SI: variants seen among roughly 807,000 people sequenced by gnomAD.
The protein encoded by SI is sucrase-isomaltase, intestinal.
In SI, 235 loss-of-function variants were observed where a neutral mutation model predicts 253.3. The ratio of observed to expected loss-of-function variants is 0.93; its 90% CI spans 0.83 to 1.03. SI has a LOEUF of 1.03. SI is among the 50% of genes least tolerant of loss of function. The pLI, the probability that SI is intolerant of heterozygous loss-of-function variation, is 0.00. For synonymous variants in SI, 819 were observed against 712.0 expected, an observed-to-expected ratio of 1.15 and a Z score of -2.39; for missense variants, 2,442 against 2,211.1, an observed-to-expected ratio of 1.10 and a Z score of -2.09.
In SI at chr3:165,015,980, C is replaced by G; in HGVS notation, c.3860G>C (p.Gly1287Ala). The G allele has an allele frequency of 6.2e-7, 1 of 1,611,218 alleles. No homozygotes were observed. Among genetic ancestry groups the G allele is most frequent in the Non-Finnish European group, 8.5e-7 (1 of 1,177,568 alleles). Residue 1287 changes from glycine (G) to alanine (A), a missense_variant, in exon 32 of 48, where the codon GGA (glycine) becomes GCA (alanine). Coordinates refer to ENST00000264382, the MANE Select transcript of SI (RefSeq NM_001041.4). ...DLPQFVDKIRGEGMRYIIILD... is the reference protein window; with the variant it reads ...DLPQFVDKIRAEGMRYIIILD... ...GATAATAATGTATCTCATTCCTTCTCCTCTTATTTTGTCAACAAACTGAGG... is the reference window on the plus strand; with the variant it reads ...GATAATAATGTATCTCATTCCTTCTGCTCTTATTTTGTCAACAAACTGAGG...
chr3:165,073,847 G>T (rs1436242268), intron 3 of SI, among the ~76,000 whole-genome samples: 2 of 152,206 alleles, frequency 1.3e-5, no homozygotes, highest in African/African-American at 4.8e-5. Flanking sequence ...AGGAGAATGT[G>T]CATAGGTTAT....
intron 12 of SI, among the ~76,000 whole-genome samples, chr3:165,056,060 A>G (rs747920485): frequency 5.9e-5 from 9 of 152,116 alleles, no homozygotes; most frequent in Non-Finnish European, 1.3e-4. Flanking sequence ...ACATTATTTG[A>G]CTTATTACTT....
intron 21 of SI, among the ~76,000 whole-genome samples, chr3:165,037,239 A>G (rs1220140918): frequency 3.3e-5 from 5 of 152,014 alleles, no homozygotes; most frequent in Non-Finnish European, 7.4e-5. Flanking sequence ...GATATTCTTA[A>G]TGTTATGAAG....
intron 45 of SI, among the ~76,000 whole-genome samples, chr3:164,986,460 A>G (rs374304081): frequency 6.6e-6 from 1 of 152,200 alleles, no homozygotes; most frequent in East Asian, 1.9e-4. Context: ...TAATAAGCCA[A>G]CAAGAATGTG....
intron 40 of SI, 77 bp from the exon 41 acceptor site, chr3:164,994,482 A>C: frequency 6.8e-7 from 1 of 1,469,426 alleles, no homozygotes; most frequent in Admixed American, 1.7e-5. Flanking sequence ...ATATTTGAAG[A>C]ACTAAAAAGT....
chr3:165,078,054 T>C (rs968073150), intron 1 of SI, among the ~76,000 whole-genome samples: 2 of 151,546 alleles, frequency 1.3e-5, no homozygotes, highest in Admixed American at 6.6e-5. Context: ...TTTATAAATG[T>C]AGCATTCTAT....
chr3:165,006,848 G>C lies in SI; in HGVS notation c.4374C>G (p.Leu1458=). 1 of 1,612,718 alleles carries C rather than the reference G, an allele frequency of 6.2e-7. No individual in the cohort carries two copies. Residue 1458 remains leucine (L), a synonymous_variant, in exon 37 of 48, where the codon CTC becomes CTG. Transcript: ENST00000264382. ...TSVLHYDVHN[L]YGWSQMKPTH... ...TAGGTTTCATCTGTGACCATCCATA[G>C]AGATTGTGAACATCGTAATGCAAAA...
chr3:164,998,991 A>G (rs925775651), intron 37 of SI, among the ~76,000 whole-genome samples: 1 of 151,786 alleles, frequency 6.6e-6, no homozygotes, highest in African/African-American at 2.4e-5. Flanking sequence ...TGAGCTTTTT[A>G]TTTTACTTTA....
chr3:165,030,965 A>G (rs536329614), intron 24 of SI, 98 bp from the exon 25 acceptor site: 8 of 1,431,944 alleles, frequency 5.6e-6, no homozygotes, highest in South Asian at 4.2e-5. Flanking sequence ...ATTTAAAAAA[A>G]CATTTTACAT....
intron 25 of SI, among the ~76,000 whole-genome samples, chr3:165,030,510 T>C (rs1397538272): frequency 4.0e-5 from 6 of 150,972 alleles, no homozygotes; most frequent in Non-Finnish European, 5.9e-5. Context: ...CAATTCAGCC[T>C]GGCGTTTACT....
In SI at chr3:165,009,157, G is replaced by C. The variant is rs970703062; in HGVS notation, c.4179+122C>G. 2.6e-5 allele frequency: 18 copies of C among 701,974 alleles called. No homozygotes were observed. In the East Asian group the frequency reaches 3.9e-4, roughly 15 times the overall value. The allele number at this position is 701,974 out of a possible 1,614,324, so 43.5% of individuals were successfully genotyped here. A position where few individuals can be genotyped will look rare whatever the true frequency, so the allele number is the denominator to read the frequency against. ...GTTTGTGTAAGAAAGTTCTGTGGGGGAAAAAAGTGGACTAGTTTTCAAATA... is the reference window on the plus strand; with the variant it reads ...GTTTGTGTAAGAAAGTTCTGTGGGGCAAAAAAGTGGACTAGTTTTCAAATA... On this transcript the variant is annotated intron_variant, in intron 35 of 47. Coordinates refer to ENST00000264382, the MANE Select transcript of SI (RefSeq NM_001041.4).
rs56082035 is a variant in SI at position 165,021,249 on chromosome 3, C to T, written c.3234G>A (p.Arg1078=). Residue 1078 remains arginine (R), a synonymous_variant, in exon 27 of 48, where the codon CGG becomes CGA. Transcript: ENST00000264382. The stretch of plus-strand genomic sequence containing the variant: ...CTTACATGACTCTTCCACTGCTTCT[C>T]CGTCGAATCTGGATGCCAAAAGGAT... ...KENPFGIQIR[R]RSSGRVIWDS... 2.9e-3 allele frequency: 4,619 copies of T among 1,610,980 alleles called. 5 individuals are homozygous for T. The highest frequency in any genetic ancestry group is 3.5e-3 in the Non-Finnish European group (4,178 of 1,177,822).
At chr3:165,013,552 C>T (rs557842015) in intron 33 of SI, among the ~76,000 whole-genome samples, 82 of 152,234 alleles carry the variant, frequency 5.4e-4, no homozygotes, top group Non-Finnish European at 9.7e-4. Context: ...CCCAGCCTGA[C>T]CTCATTGCCT....
In SI at chr3:164,979,207, A is replaced by G. The variant is rs1410862270; in HGVS notation, c.*155T>C. The G allele has an allele frequency of 9.6e-6, 6 of 626,994 alleles. No homozygotes were observed. Among genetic ancestry groups the G allele is most frequent in the Non-Finnish European group, 1.4e-5 (5 of 346,396 alleles). 38.8% of individuals were successfully genotyped at this position (626,994 alleles called of 1,614,324 possible). A position where few individuals can be genotyped will look rare whatever the true frequency, so the allele number is the denominator to read the frequency against. ...GTCACATTACTATAATAAAATTAGC[A>G]TTATCATTGATGTACGCTACAAAAT... is the stretch of plus-strand genomic sequence containing the variant. On this transcript the variant is annotated 3_prime_UTR_variant, in exon 48 of 48. Transcript: ENST00000264382.
chr3:165,045,355 A>G (rs1425881571), intron 16 of SI, among the ~76,000 whole-genome samples: 2 of 152,028 alleles, frequency 1.3e-5, no homozygotes, highest in Non-Finnish European at 2.9e-5. Context: ...TATTTTCTCA[A>G]AAAGTCCTAC....
chr3:165,075,849 T>C (rs754791228), intron 2 of SI, 46 bp downstream of exon 2: 2 of 1,133,494 alleles, frequency 1.8e-6, no homozygotes, highest in Non-Finnish European at 2.7e-6. Context: ...AGTAACTTCC[T>C]CCTAACTTCA....
intron 3 of SI, among the ~76,000 whole-genome samples, chr3:165,069,450 G>C (rs565552606): frequency 6.6e-6 from 1 of 151,870 alleles, no homozygotes. Flanking sequence ...ACAAATTTTT[G>C]TAAGCTTATG....
chr3:165,058,446 A>G (rs1163316739), intron 12 of SI, among the ~76,000 whole-genome samples: 1 of 151,876 alleles, frequency 6.6e-6, no homozygotes, highest in African/African-American at 2.4e-5. Flanking sequence ...CAGAGAAGAA[A>G]TACATGAAAT....
chr3:165,073,254 C>A lies in SI; in HGVS notation c.255+1277G>T, dbSNP rs13072928. Among the ~76,000 whole-genome samples the A allele has an allele frequency of 8.1e-5, 12 of 148,068 alleles. No individual in the cohort carries two copies. In the South Asian group the frequency reaches 2.2e-3, roughly 27 times the overall value. ...TCTCTTTCCCTCTCTCTCTCTCTTT[C>A]GAGACGGAGTCTCGCTCTGTCACCC... On this transcript the variant is annotated intron_variant, in intron 3 of 47. Transcript: ENST00000264382.
Sources: gnomAD v4.1 joint callset for allele counts (sites outside exome capture counted in the v4.1 genomes callset) on GRCh38, gnomAD v4.1.1 for gene constraint, MANE v1.5 for transcripts, NCBI Gene and HGNC (gene_info 2026-07-23, HGNC 2026-07-21) for gene names.